The following MARK4 variants were observed in gnomAD, a reference collection of about 807,000 sequenced individuals.
MARK4 encodes microtubule affinity regulating kinase 4.
A neutral mutation model predicts 81.5 loss-of-function variants in MARK4; 19 were observed. The ratio of observed to expected loss-of-function variants is 0.23; its 90% confidence interval spans 0.16 to 0.34. The LOEUF is 0.34. MARK4 is among the 10% of genes least tolerant of loss of function. The probability of loss-of-function intolerance (pLI) is 1.00; values close to 1 mark genes in which losing one functional copy is unlikely to be tolerated. For synonymous variants in MARK4, 436 were observed against 439.0 expected, an observed-to-expected ratio of 0.99 and a Z score of 0.08; for missense variants, 772 against 1,058.8, an observed-to-expected ratio of 0.73 and a Z score of 3.76.
intron 1 of MARK4, among the ~76,000 whole-genome samples, chr19:45,257,121 A>AC (rs1970316867): frequency 6.9e-6 from 1 of 145,620 alleles, no homozygotes; most frequent in South Asian, 2.2e-4. Context: ...TGCCTAGCTA[A>AC]TTTTTTTTTT....
At chr19:45,258,425 T>G (rs1970337290) in intron 1 of MARK4, among the ~76,000 whole-genome samples, 1 of 152,066 alleles carries the variant, frequency 6.6e-6, no homozygotes. Context: ...AAAAGGAGGT[T>G]GGGGCTGGAT....
chr19:45,283,615 A>T (rs1970705682), intron 12 of MARK4, among the ~76,000 whole-genome samples: 1 of 152,144 alleles, frequency 6.6e-6, no homozygotes. Context: ...TCAGCACTTC[A>T]TTCCTTTTCA....
chr19:45,294,481 G>A (rs754672756), intron 14 of MARK4, 29 bp downstream of exon 14: 1 of 1,597,250 alleles, frequency 6.3e-7, no homozygotes, highest in South Asian at 1.1e-5. Flanking sequence ...CAGGGTGAGG[G>A]GTGGGAAGTA....
rs377723607 is a variant in MARK4 at position 45,266,233 on chromosome 19, G to A, written c.501G>A (p.Ser167=). The part of the protein sequence containing the change: ...EARAKFRQIV[S]AVHYCHQKNI... ...TTCCCCTTCCCTCCCAGATTGTTTC[G>A]GCTGTGCACTATTGTCACCAGAAAA... The change falls in exon 7 of 17, where the codon TCG becomes TCA. Residue 167 remains serine (S), a synonymous_variant. Coordinates refer to ENST00000262891, the MANE Select transcript of MARK4 (RefSeq NM_001199867.2). 30 of 1,613,584 alleles carry A rather than the reference G, an allele frequency of 1.9e-5. No individual in the cohort carries two copies. The highest frequency in any genetic ancestry group is 2.5e-5 in the Non-Finnish European group (30 of 1,179,776).
At position 45,303,914 on chromosome 19, in the gene MARK4, C is replaced by T. The variant is rs980373075; in HGVS notation, c.*1204C>T. 3 of 152,156 alleles carry T rather than the reference C, an allele frequency of 2.0e-5. No homozygotes were observed. The highest frequency in any genetic ancestry group is 2.9e-5 in the Non-Finnish European group (2 of 68,056). The allele number at this position is 152,156 out of a possible 1,614,324, so 9.4% of individuals were successfully genotyped here. On this transcript the variant is annotated 3_prime_UTR_variant, in exon 17 of 17. Coordinates refer to ENST00000262891, the MANE Select transcript of MARK4 (RefSeq NM_001199867.2). ...CATTGAGTTTGCCCTGGGCAAAAGC[C>T]CAGAAGTGGGAGTATGTGGTATATC... is the stretch of plus-strand genomic sequence containing the variant.
chr19:45,294,534 C>T, intron 14 of MARK4, 82 bp downstream of exon 14: 1 of 1,228,578 alleles, frequency 8.1e-7, no homozygotes, highest in Non-Finnish European at 1.2e-6. Flanking sequence ...AGATGATAGG[C>T]ATTGGAGGCT....
Position 45,283,409 on chromosome 19 carries a change from CAAAAAA to C in MARK4, c.1276+2697_1276+2702del, listed in dbSNP as rs869039919. 8.7e-4 allele frequency among the ~76,000 whole-genome samples: 75 copies of C among 86,410 alleles called. 1 individual carries two copies. Among genetic ancestry groups the C allele is most frequent in the South Asian group, 6.9e-3 (16 of 2,304 alleles). 56.7% of individuals were successfully genotyped at this position (86,410 alleles called of 152,430 possible). A position where few individuals can be genotyped will look rare whatever the true frequency, so the allele number is the denominator to read the frequency against. Reference sequence around the variant, plus strand: ...GGGCGATAAGAGTGAGACTTCCTCTCAAAAAAAAAAAAAAAAAAAAAAAAAAATCAA... The same window carrying C: ...GGGCGATAAGAGTGAGACTTCCTCTCAAAAAAAAAAAAAAAAAAAAATCAA... On this transcript the variant is annotated intron_variant, in intron 12 of 16. Coordinates refer to ENST00000262891, the MANE Select transcript of MARK4 (RefSeq NM_001199867.2).
intron 13 of MARK4, among the ~76,000 whole-genome samples, chr19:45,293,027 GGAGGCT>G (rs1262736341): frequency 6.6e-6 from 1 of 152,174 alleles, no homozygotes; most frequent in African/African-American, 2.4e-5. Flanking sequence ...CAGCACTTTG[GGAGGCT>G]GAGGCGGGTG....
chr19:45,263,156 G>T lies in MARK4; in HGVS notation c.296G>T (p.Ser99Ile). The T allele has an allele frequency of 6.2e-7, 1 of 1,609,120 alleles. No individual in the cohort carries two copies. The highest frequency in any genetic ancestry group is 8.5e-7 in the Non-Finnish European group (1 of 1,177,666). Reference protein sequence around the residue: ...IIDKTQLNPSSLQKLFREVRI... With the variant: ...IIDKTQLNPSILQKLFREVRI... ...GACAAAACCCAGCTGAATCCCAGCA[G>T]CCTGCAGAAGGTGAGGCTGGGGAGA... The change falls in exon 3 of 17, where the codon AGC (serine) becomes ATC (isoleucine). Residue 99 changes from serine (S) to isoleucine (I), a missense_variant. Physicochemically the swap from Ser to Ile is moderately radical, Grantham distance 142. This residue lies in a region of MARK4 where 115 missense variants were observed against 139.8 expected (regional missense o/e 0.82). Transcript: ENST00000262891.
chr19:45,279,452 G>A (rs564210259), intron 10 of MARK4, among the ~76,000 whole-genome samples: 10 of 152,308 alleles, frequency 6.6e-5, no homozygotes, highest in Admixed American at 3.3e-4. Flanking sequence ...AGGAGGCAGA[G>A]GTTGCAGTGA....
At chr19:45,288,764 C>T (rs963494019) in intron 13 of MARK4, among the ~76,000 whole-genome samples, 7 of 149,666 alleles carry the variant, frequency 4.7e-5, no homozygotes, top group Non-Finnish European at 8.9e-5. Context: ...GCAGGAGAAT[C>T]GCTTGAACCC....
intron 12 of MARK4, among the ~76,000 whole-genome samples, chr19:45,286,400 A>G (rs1213978182): frequency 6.6e-6 from 1 of 151,014 alleles, no homozygotes; most frequent in East Asian, 2.0e-4. Flanking sequence ...TTTTATTCAT[A>G]AACAAACATG....
At position 45,266,149 on chromosome 19, in the gene MARK4, A is replaced by T; in HGVS notation, c.493-76A>T. 2.7e-6 allele frequency: 4 copies of T among 1,455,472 alleles called. No homozygotes were observed. In the South Asian group the frequency reaches 4.6e-5, roughly 17 times the overall value. 90.2% of individuals were successfully genotyped at this position (1,455,472 alleles called of 1,614,324 possible). On this transcript the variant is annotated intron_variant, in intron 6 of 16. Coordinates refer to ENST00000262891, the MANE Select transcript of MARK4 (RefSeq NM_001199867.2). ...TGGGGAGGCCTGGGGCCCAGCTGTG[A>T]GTGGTTTCACAGTCCACTGAGGGAG...
intron 4 of MARK4, 145 bp from the exon 5 acceptor site, chr19:45,264,539 T>C (rs1970424905): frequency 1.3e-6 from 1 of 755,906 alleles, no homozygotes; most frequent in African/African-American, 1.8e-5. Context: ...GCTGAGGAGT[T>C]TGGAAAATCT....
Position 45,284,117 on chromosome 19 carries a change from A to T in MARK4, c.1277-3330A>T, listed in dbSNP as rs1028854926. On this transcript the variant is annotated intron_variant, in intron 12 of 16. Transcript: ENST00000262891. ...ACTGAAACCTCAGTCTCCCAGGTTC[A>T]ACTGATTCTCCTGCCTCAGGCCCCC... 2.6e-5 allele frequency among the ~76,000 whole-genome samples: 4 copies of T among 151,892 alleles called. No individual in the cohort carries two copies. In the South Asian group the frequency reaches 8.3e-4, roughly 32 times the overall value.
chr19:45,259,307 C>T (rs554642329), intron 2 of MARK4, 118 bp downstream of exon 2: 9 of 1,115,958 alleles, frequency 8.1e-6, no homozygotes, highest in South Asian at 7.6e-5. Flanking sequence ...GGTAAGTTCC[C>T]GACTCTCTAT....
At chr19:45,282,615 C>T (rs1970690835) in intron 12 of MARK4, among the ~76,000 whole-genome samples, 1 of 151,940 alleles carries the variant, frequency 6.6e-6, no homozygotes, top group African/African-American at 2.4e-5. Flanking sequence ...ATCACGAGGT[C>T]AGGAGTTCAA....
chr19:45,253,782 T>A (rs965529197), intron 1 of MARK4, among the ~76,000 whole-genome samples: 3 of 152,140 alleles, frequency 2.0e-5, no homozygotes, highest in Admixed American at 2.0e-4. Context: ...GTTGTGGTTA[T>A]TAGCACTACT....
chr19:45,258,079 AG>A (rs1970332748), intron 1 of MARK4, among the ~76,000 whole-genome samples: 1 of 138,882 alleles, frequency 7.2e-6, no homozygotes, highest in South Asian at 2.3e-4. Flanking sequence ...TCTGCCTCCC[AG>A]GTTCAAGTGA....
Sources: allele counts gnomAD v4.1 joint callset (sites outside exome capture counted in the v4.1 genomes callset), GRCh38; gene constraint gnomAD v4.1.1; regional missense constraint gnomAD v4.1.1; transcripts MANE v1.5; gene names NCBI Gene and HGNC (gene_info 2026-07-23, HGNC 2026-07-21).